Variants in ATG9A observed in about 807,000 individuals in gnomAD.
ATG9A encodes the protein autophagy-related protein 9A.
A neutral mutation model predicts 87.1 loss-of-function variants in ATG9A; 21 were observed. The observed-to-expected ratio is 0.24, with a 90% CI of 0.17 to 0.35. The LOEUF (loss-of-function observed/expected upper bound fraction) is 0.35, where lower values mean the gene tolerates loss of function less well. ATG9A is among the 10% of genes least tolerant of loss of function. The probability of loss-of-function intolerance (pLI) is 1.00; values close to 1 mark genes in which losing one functional copy is unlikely to be tolerated. For synonymous variants in ATG9A, 422 were observed against 441.3 expected, an observed-to-expected ratio of 0.96 and a Z score of 0.55; for missense variants, 836 against 1,107.3, an observed-to-expected ratio of 0.76 and a Z score of 3.48.
rs1285839543 is a variant in ATG9A, at chr2:219,221,169, G to A, written c.2279C>T (p.Ala760Val). The A allele has an allele frequency of 2.5e-6, 4 of 1,606,024 alleles. No individual in the cohort carries two copies. Among genetic ancestry groups the A allele is most frequent in the Non-Finnish European group, 2.6e-6 (3 of 1,176,300 alleles). Reference protein sequence around the residue: ...ARAPQSIPRSASYPCAAPRPG... With the variant: ...ARAPQSIPRSVSYPCAAPRPG... ...CCGGGGTGCTGCACAGGGATAGCTAGCAGAGCGAGGGATAGACTGGGGGGC... is the reference window on the plus strand; with the variant it reads ...CCGGGGTGCTGCACAGGGATAGCTAACAGAGCGAGGGATAGACTGGGGGGC... Residue 760 changes from alanine to valine, a missense_variant, in exon 14 of 16, where the codon GCT (alanine) becomes GTT (valine). By Grantham distance (64) the Ala-to-Val change is moderately conservative (BLOSUM62 0). Transcript: ENST00000361242.
In ATG9A at chr2:219,220,271, C is replaced by G. The variant is rs1372947138; in HGVS notation, c.*176G>C. The G allele has an allele frequency of 1.3e-6, 1 of 787,310 alleles. No homozygotes were observed. Among genetic ancestry groups the G allele is most frequent in the African/African-American group, 1.7e-5 (1 of 57,744 alleles). The allele number at this position is 787,310 out of a possible 1,614,324, so 48.8% of individuals were successfully genotyped here. On this transcript the variant is annotated 3_prime_UTR_variant, in exon 16 of 16. Coordinates refer to ENST00000361242, the MANE Select transcript of ATG9A (RefSeq NM_001077198.3). ...CTCGGTTCCTAGGCCCCAAATTCCT[C>G]TCCTGGGGCTGTGGCAAGCCCAGTG...
At chr2:219,221,611 C>A (rs1950761414) in intron 13 of ATG9A, among the ~76,000 whole-genome samples, 1 of 152,098 alleles carries the variant, frequency 6.6e-6, no homozygotes, top group South Asian at 2.1e-4. Flanking sequence ...GTGAACAAAA[C>A]AGACAGAAAT....
rs1309778168 is a variant in ATG9A at position 219,222,028 on chromosome 2, T to G, written c.2145+22A>C. On this transcript the variant is annotated intron_variant, in intron 13 of 15. Coordinates refer to ENST00000361242, the MANE Select transcript of ATG9A (RefSeq NM_001077198.3). The surrounding 1 kb of genome is among the most constrained non-coding windows in gnomAD (Gnocchi z 4.3). The stretch of plus-strand genomic sequence containing the variant: ...TTCTCCGCATCTAAACCCTCTACTC[T>G]CTTTTTTAGCTGTGCACTCACCTGG... 6.2e-7 allele frequency: 1 copy of G among 1,604,556 alleles called. No individual in the cohort carries two copies. Among genetic ancestry groups the G allele is most frequent in the Admixed American group, 1.7e-5 (1 of 59,332 alleles).
chr2:219,229,423 G>A lies in ATG9A; in HGVS notation c.-82+112C>T, dbSNP rs949419724. On this transcript the variant is annotated intron_variant, in intron 1 of 15. Transcript: ENST00000361242. This position sits in a 1 kb window ranked among gnomAD's most constrained non-coding sequence, Gnocchi z 4.2. ...CCGGCTGCGCGCCCCCGCCCCGCCG[G>A]CGGCGCCCCTTCCTCCGTTACCCGC... 1 of 152,340 alleles carries A rather than the reference G, an allele frequency of 6.6e-6. No individual in the cohort carries two copies. The allele number at this position is 152,340 out of a possible 1,614,324, so 9.4% of individuals were successfully genotyped here. A position where few individuals can be genotyped will look rare whatever the true frequency, so the allele number is the denominator to read the frequency against.
chr2:219,225,244 G>C (rs1950837699), intron 6 of ATG9A, 32 bp from the exon 7 acceptor site: 2 of 1,613,202 alleles, frequency 1.2e-6, no homozygotes, highest in Non-Finnish European at 1.7e-6. Flanking sequence ...AGGAGAGGTG[G>C]CCCTCGAGGA....
Position 219,226,897 on chromosome 2 carries a change from T to C in ATG9A, c.184A>G (p.Met62Val). ...NLHQKNGFTC[M>V]LIGEIFELMQ... is the part of the protein sequence containing the mutation. ...AGCTCAAAGATCTCCCCGATGAGCA[T>C]ACATGTGAAGCCATTCTTCTGGTGC... Residue 62 changes from methionine (M) to valine (V), a missense_variant, in exon 5 of 16, where the codon ATG becomes GTG. By Grantham distance (21) the Met-to-Val change is conservative. Coordinates refer to ENST00000361242, the MANE Select transcript of ATG9A (RefSeq NM_001077198.3). 3 of 1,613,786 alleles carry C rather than the reference T, an allele frequency of 1.9e-6. No homozygotes were observed. The highest frequency in any genetic ancestry group is 2.5e-6 in the Non-Finnish European group (3 of 1,179,608).
rs1950898576 is a variant in ATG9A at position 219,227,978 on chromosome 2, C to T, written c.47G>A (p.Ser16Asn). Residue 16 changes from serine to asparagine, a missense_variant, in exon 3 of 16, where the codon AGT becomes AAT. Transcript: ENST00000361242. ...TEYQRLEASY[S>N]DSPPGEEDLL... is the part of the protein sequence containing the mutation. ...GTCCTCCTCCCCTGGGGGTGAATCA[C>T]TATAGGAGGCCTCTAGGCGCTGGTA... 1 of 1,614,166 alleles carries T rather than the reference C, an allele frequency of 6.2e-7. No homozygotes were observed. Among genetic ancestry groups the T allele is most frequent in the East Asian group, 2.2e-5 (1 of 44,888 alleles).
In ATG9A at chr2:219,223,635, C is replaced by T; in HGVS notation, c.1549G>A (p.Asp517Asn). ...NFTVEVVGVG[D>N]TCSFAQMDVR... ...TCCATCTGAGCAAAGGAGCAGGTAT[C>T]TCCCACACCAACGACCTCCACGGTG... The change falls in exon 10 of 16, where the codon GAT (aspartate) becomes AAT (asparagine). Residue 517 changes from aspartate to asparagine, a missense_variant. Physicochemically the swap from Asp to Asn is conservative, Grantham distance 23. Coordinates refer to ENST00000361242, the MANE Select transcript of ATG9A (RefSeq NM_001077198.3). This position sits in a 1 kb window ranked among gnomAD's most constrained non-coding sequence, Gnocchi z 4.7. 1 of 1,613,834 alleles carries T rather than the reference C, an allele frequency of 6.2e-7. No individual in the cohort carries two copies. The highest frequency in any genetic ancestry group is 8.5e-7 in the Non-Finnish European group (1 of 1,179,894).
In ATG9A at chr2:219,222,970, G is replaced by T; in HGVS notation, c.1600-77C>A. Reference sequence around the variant, plus strand: ...CTGCACCTTTCCTGTTAGTGGGGAGGCCTTACCCTTGGAGAACGGAGACCA... The same window carrying T: ...CTGCACCTTTCCTGTTAGTGGGGAGTCCTTACCCTTGGAGAACGGAGACCA... On this transcript the variant is annotated intron_variant, in intron 10 of 15. Transcript: ENST00000361242. The surrounding 1 kb of genome is among the most constrained non-coding windows in gnomAD (Gnocchi z 4.3). 6.3e-7 allele frequency: 1 copy of T among 1,577,130 alleles called. No homozygotes were observed. Among genetic ancestry groups the T allele is most frequent in the Non-Finnish European group, 8.6e-7 (1 of 1,160,858 alleles).
Position 219,224,213 on chromosome 2 carries a change from G to A in ATG9A, c.1158C>T (p.Ser386=), listed in dbSNP as rs1397934349. The A allele has an allele frequency of 6.2e-7, 1 of 1,613,864 alleles. No individual in the cohort carries two copies. The highest frequency in any genetic ancestry group is 8.5e-7 in the Non-Finnish European group (1 of 1,180,046). ...TGAGGGCAATAAGCACAGCCAGGAT[G>A]GAGCCAGCGAAGAAGGCTCCATTCT... ...LAKNGAFFAG[S]ILAVLIALTI... is the part of the protein sequence containing the mutation. The change falls in exon 8 of 16, where the codon TCC becomes TCT. Residue 386 remains serine (S), a synonymous_variant. Transcript: ENST00000361242. The surrounding 1 kb of genome is among the most constrained non-coding windows in gnomAD (Gnocchi z 7.7).
chr2:219,220,968 G>A (rs74897151), intron 14 of ATG9A, 76 bp from the exon 15 acceptor site: 15 of 1,599,304 alleles, frequency 9.4e-6, no homozygotes, highest in East Asian at 4.5e-5. Flanking sequence ...GGGCTGCTTG[G>A]GGGGTGAGTC....
chr2:219,227,010 T>C, intron 4 of ATG9A, 77 bp from the exon 5 acceptor site: 1 of 1,229,434 alleles, frequency 8.1e-7, no homozygotes, highest in Non-Finnish European at 1.2e-6. Context: ...CACTCAAGCT[T>C]AAGTCCTGGC....
rs1950892620 is a variant in ATG9A at position 219,227,791 on chromosome 2, G to A, written c.126C>T (p.Asn42=). ...GSKSPWHHIE[N]LDLFFSRVYN... is the part of the protein sequence containing the mutation. ...ATATTCGAGAGAAGAAGAGGTCAAGGTTTTCAATATGGTGCCAAGGTGCTG... is the reference window on the plus strand; with the variant it reads ...ATATTCGAGAGAAGAAGAGGTCAAGATTTTCAATATGGTGCCAAGGTGCTG... Residue 42 remains asparagine (N), a synonymous_variant, in exon 4 of 16, where the codon AAC becomes AAT. Coordinates refer to ENST00000361242, the MANE Select transcript of ATG9A (RefSeq NM_001077198.3). The A allele has an allele frequency of 6.2e-7, 1 of 1,614,028 alleles. No individual in the cohort carries two copies. Among genetic ancestry groups the A allele is most frequent in the East Asian group, 2.2e-5 (1 of 44,892 alleles).
rs550861175 is a variant in ATG9A, at chr2:219,228,172, G to A, written c.-29-119C>T. 123 of 667,776 alleles carry A rather than the reference G, an allele frequency of 1.8e-4. 4 individuals are homozygous for A. The South Asian group carries it at 2.3e-3, about 12-fold the overall frequency. 41.4% of individuals were successfully genotyped at this position (667,776 alleles called of 1,614,324 possible). ...GCTTTGTCCACTACCAGCCTCCTTG[G>A]CTCAGAGGCAGAGGAGTAGTGACAC... is the stretch of plus-strand genomic sequence containing the variant. On this transcript the variant is annotated intron_variant, in intron 2 of 15. Coordinates refer to ENST00000361242, the MANE Select transcript of ATG9A (RefSeq NM_001077198.3).
In ATG9A at chr2:219,224,262, G is replaced by A. The variant is rs1209444572; in HGVS notation, c.1109C>T (p.Ser370Leu). The A allele has an allele frequency of 5.6e-6, 9 of 1,613,866 alleles. No individual in the cohort carries two copies. The highest frequency in any genetic ancestry group is 7.6e-6 in the Non-Finnish European group (9 of 1,180,042). ...CTTGGCCAGCAGTGTCAAAAGAGGT[G>A]ACAAGAAGCAATTCATGTACTTGGA... ...PASKYMNCFLSPLLTLLAKNG... is the reference protein window; with the variant it reads ...PASKYMNCFLLPLLTLLAKNG... Residue 370 changes from serine to leucine, a missense_variant, in exon 8 of 16, where the codon TCA becomes TTA. Physicochemically the swap from Ser to Leu is moderately radical, Grantham distance 145. Transcript: ENST00000361242. This position sits in a 1 kb window ranked among gnomAD's most constrained non-coding sequence, Gnocchi z 7.7.
intron 13 of ATG9A, 84 bp downstream of exon 13, chr2:219,221,966 G>A (rs1001656227): frequency 1.4e-5 from 17 of 1,240,790 alleles, no homozygotes; most frequent in Non-Finnish European, 1.7e-5. Context: ...GGCAGAACAA[G>A]TAAATGGCAG....
intron 13 of ATG9A, among the ~76,000 whole-genome samples, 188 bp from the exon 14 acceptor site, chr2:219,221,490 C>T (rs932686095): frequency 2.0e-5 from 3 of 152,096 alleles, no homozygotes; most frequent in Admixed American, 6.6e-5. Context: ...AGCAGATCCC[C>T]GGAAGAAGCC....
chr2:219,223,942 G>A lies in ATG9A; in HGVS notation c.1346C>T (p.Pro449Leu). 1 of 1,614,228 alleles carries A rather than the reference G, an allele frequency of 6.2e-7. No homozygotes were observed. Among genetic ancestry groups the A allele is most frequent in the Non-Finnish European group, 8.5e-7 (1 of 1,180,046 alleles). ...GTGGGCATTACCCTGCCAGTGGTCA[G>A]GCATGTAGTGGATGTGAGCGAGGAT... is the stretch of plus-strand genomic sequence containing the variant. The part of the protein sequence containing the change: ...RVILAHIHYM[P>L]DHWQGNAHRS... The change falls in exon 9 of 16, where the codon CCT becomes CTT. Residue 449 changes from proline to leucine, a missense_variant. Physicochemically the swap from Pro to Leu is moderately conservative, Grantham distance 98. Coordinates refer to ENST00000361242, the MANE Select transcript of ATG9A (RefSeq NM_001077198.3). The surrounding 1 kb of genome is among the most constrained non-coding windows in gnomAD (Gnocchi z 4.7).
chr2:219,224,944 G>T lies in ATG9A; in HGVS notation c.517-90C>A. ...CCTATATTAGAAGTGAGATTCAGGG[G>T]TTGTGAGCTTAAGAGACAGTTCCTG... On this transcript the variant is annotated intron_variant, in intron 7 of 15. Coordinates refer to ENST00000361242, the MANE Select transcript of ATG9A (RefSeq NM_001077198.3). This position sits in a 1 kb window ranked among gnomAD's most constrained non-coding sequence, Gnocchi z 7.7. 1.3e-6 allele frequency: 2 copies of T among 1,576,724 alleles called. No individual in the cohort carries two copies. Among genetic ancestry groups the T allele is most frequent in the South Asian group, 2.3e-5 (2 of 87,806 alleles).
Sources: allele counts gnomAD v4.1 joint callset (sites outside exome capture counted in the v4.1 genomes callset), GRCh38; gene constraint gnomAD v4.1.1; non-coding constraint Gnocchi (gnomAD v3.1); transcripts MANE v1.5; gene names NCBI Gene and HGNC (gene_info 2026-07-23, HGNC 2026-07-21).